The following MTX2 variants were observed in gnomAD, a reference collection of about 807,000 sequenced individuals.
The protein encoded by MTX2 is metaxin-2.
MTX2 carries 35 observed loss-of-function variants against 42.3 expected under a neutral mutation model. The observed-to-expected ratio is 0.83, with a 90% CI of 0.63 to 1.10. The LOEUF (loss-of-function observed/expected upper bound fraction) is 1.10. MTX2 is among the 50% of genes least tolerant of loss of function. The pLI is 0.00. For missense variants in MTX2, 307 were observed against 304.1 expected, an observed-to-expected ratio of 1.01 and a Z score of -0.07; for synonymous variants, 119 against 100.9, an observed-to-expected ratio of 1.18 and a Z score of -1.08.
At chr2:176,335,430 A>G (rs1220291789) in intron 9 of MTX2, among the ~76,000 whole-genome samples, 5 of 151,998 alleles carry the variant, frequency 3.3e-5, no homozygotes, top group Admixed American at 6.6e-5. Context: ...ATCCATTAGA[A>G]TATTTTGTGC....
In MTX2 at chr2:176,282,126, G is replaced by GTTTTTTTTGTTTTTTTTTTTTTTTTTTT. The variant is rs767511650; in HGVS notation, c.40+12465_40+12466insGTTTTTTTTTTTTTTTTTTTTTTTTTTT. ...TGATATTATTTTTAGAGTTACAGTA[G>GTTTTTTTTGTTTTTTTTTTTTTTTTTTT]TTTTTTTTTTTTTTTTTTTTTTTTT... On this transcript the variant is annotated intron_variant, in intron 1 of 9. Coordinates refer to ENST00000249442, the MANE Select transcript of MTX2 (RefSeq NM_006554.5). Among the ~76,000 whole-genome samples the GTTTTTTTTGTTTTTTTTTTTTTTTTTTT allele has an allele frequency of 1.1e-3, 28 of 26,426 alleles. 5 individuals are homozygous for GTTTTTTTTGTTTTTTTTTTTTTTTTTTT. The highest frequency in any genetic ancestry group is 1.6e-3 in the South Asian group (1 of 610). 17.3% of individuals were successfully genotyped at this position (26,426 alleles called of 152,430 possible).
chr2:176,319,148 ATTAT>A (rs1684513946), intron 3 of MTX2, among the ~76,000 whole-genome samples: 1 of 152,222 alleles, frequency 6.6e-6, no homozygotes, highest in Non-Finnish European at 1.5e-5. Flanking sequence ...TTCATTATTC[ATTAT>A]TATAATTTGA....
intron 5 of MTX2, 110 bp downstream of exon 5, chr2:176,327,011 C>G (rs1236845907): frequency 3.5e-6 from 2 of 564,900 alleles, no homozygotes; most frequent in African/African-American, 2.0e-5. Context: ...AATGCCAATG[C>G]AAACTACTGG....
intron 3 of MTX2, among the ~76,000 whole-genome samples, chr2:176,300,145 G>C (rs1220903467): frequency 3.3e-5 from 5 of 151,794 alleles, no homozygotes; most frequent in African/African-American, 1.2e-4. Flanking sequence ...GAGAGACAGA[G>C]AGAGAGAGAG....
intron 1 of MTX2, among the ~76,000 whole-genome samples, chr2:176,270,995 T>G (rs2105389080): frequency 6.6e-6 from 1 of 152,286 alleles, no homozygotes. Flanking sequence ...AACTTCACAG[T>G]GTATGTTGAG....
At chr2:176,285,139 A>G (rs1693164939) in intron 1 of MTX2, among the ~76,000 whole-genome samples, 1 of 152,168 alleles carries the variant, frequency 6.6e-6, no homozygotes, top group Non-Finnish European at 1.5e-5. Flanking sequence ...TTGGGTTCAA[A>G]TCCTGGCTGC....
intron 3 of MTX2, among the ~76,000 whole-genome samples, chr2:176,313,388 C>CTTTTTTTTTTTTTTTTTTTTTTTTTTT (rs1207416607): frequency 2.9e-5 from 3 of 103,510 alleles, no homozygotes; most frequent in African/African-American, 7.9e-5. Context: ...TACACTGATT[C>CTTTTTTTTTTTTTTTTTTTTTTTTTTT]TTTTTTTTTT....
At position 176,272,548 on chromosome 2, in the gene MTX2, A is replaced by G. The variant is rs577271050; in HGVS notation, c.40+2879A>G. On this transcript the variant is annotated intron_variant, in intron 1 of 9. Transcript: ENST00000249442. ...CTAAATGTACAGTTATTATTTGTCA[A>G]AAACATTTATACAAAAATTATGGTA... Among the ~76,000 whole-genome samples the G allele has an allele frequency of 2.0e-3, 305 of 152,326 alleles. 3 individuals carry two copies. Among genetic ancestry groups the G allele is most frequent in the African/African-American group, 7.1e-3 (297 of 41,578 alleles).
chr2:176,328,956 A>G (rs1236874376), intron 7 of MTX2, 44 bp downstream of exon 7: 1 of 1,520,416 alleles, frequency 6.6e-7, no homozygotes. Context: ...ATTTAATGAG[A>G]AAACACTTTT....
At chr2:176,312,381 A>G (rs1017852047) in intron 3 of MTX2, among the ~76,000 whole-genome samples, 2 of 152,192 alleles carry the variant, frequency 1.3e-5, no homozygotes, top group Admixed American at 6.5e-5. Context: ...CTAACGAACC[A>G]TATATTCTTG....
At chr2:176,314,955 T>C (rs1305583931) in intron 3 of MTX2, among the ~76,000 whole-genome samples, 2 of 152,222 alleles carry the variant, frequency 1.3e-5, no homozygotes, top group East Asian at 3.8e-4. Flanking sequence ...TTCTCATTTC[T>C]TAGCACCTTG....
intron 1 of MTX2, among the ~76,000 whole-genome samples, chr2:176,294,410 A>G (rs1465769162): frequency 6.6e-6 from 1 of 150,994 alleles, no homozygotes; most frequent in Non-Finnish European, 1.5e-5. Context: ...CAGCCTCCTG[A>G]GTAGCTGGGA....
intron 3 of MTX2, among the ~76,000 whole-genome samples, chr2:176,322,174 CAG>C (rs1444063938): frequency 2.0e-5 from 3 of 152,006 alleles, no homozygotes; most frequent in South Asian, 2.1e-4. Context: ...TTTGAGAAAA[CAG>C]AAGAGAATTG....
intron 3 of MTX2, among the ~76,000 whole-genome samples, chr2:176,301,310 G>T (rs1375297844): frequency 6.6e-6 from 1 of 151,942 alleles, no homozygotes; most frequent in South Asian, 2.1e-4. Flanking sequence ...AAGATGCTTC[G>T]CCCACATTTC....
chr2:176,334,315 A>G (rs1026256919), intron 9 of MTX2, among the ~76,000 whole-genome samples: 2 of 151,928 alleles, frequency 1.3e-5, no homozygotes, highest in African/African-American at 4.8e-5. Flanking sequence ...CAAGAAGTAT[A>G]GGGTAGCTGG....
At chr2:176,282,132 T>TTTGTTTTTTTTG (rs1178127826) in intron 1 of MTX2, among the ~76,000 whole-genome samples, 1 of 135,446 alleles carries the variant, frequency 7.4e-6, no homozygotes, top group Non-Finnish European at 1.6e-5. Context: ...AGTAGTTTTT[T>TTTGTTTTTTTTG]TTTTTTTTTT....
At chr2:176,326,925 T>C in intron 5 of MTX2, 24 bp downstream of exon 5, 1 of 1,321,588 alleles carries the variant, frequency 7.6e-7, no homozygotes, top group Non-Finnish European at 1.1e-6. Context: ...ATTAAATGTA[T>C]TTGATCAGTT....
At chr2:176,315,333 T>A (rs1329275510) in intron 3 of MTX2, among the ~76,000 whole-genome samples, 1 of 152,136 alleles carries the variant, frequency 6.6e-6, no homozygotes, top group Non-Finnish European at 1.5e-5. Context: ...TGCCAGAAAT[T>A]TTTAGTCATT....
intron 1 of MTX2, chr2:176,270,101 G>A (rs2105388167): frequency 3.3e-6 from 1 of 303,454 alleles, no homozygotes; most frequent in East Asian, 7.9e-5. Flanking sequence ...TATTGTTGAG[G>A]GAACACCAGA....
Sources: gnomAD v4.1 joint callset for allele counts (sites outside exome capture counted in the v4.1 genomes callset) on GRCh38, gnomAD v4.1.1 for gene constraint, MANE v1.5 for transcripts, NCBI Gene and HGNC (gene_info 2026-07-23, HGNC 2026-07-21) for gene names.